The following PTPRT variants were observed in gnomAD, a reference collection of about 807,000 sequenced individuals.
The protein encoded by PTPRT is receptor-type tyrosine-protein phosphatase T.
In PTPRT, 56 loss-of-function variants were observed where a neutral mutation model predicts 176.8. That is an observed-to-expected ratio of 0.32 (90% CI 0.26 to 0.40). The LOEUF is 0.40. Among genes scored for constraint, PTPRT ranks in the 10% least tolerant of loss-of-function variants. PTPRT has a pLI of 1.00. For synonymous variants in PTPRT, 783 were observed against 739.0 expected, an observed-to-expected ratio of 1.06 and a Z score of -0.96; for missense variants, 1,540 against 1,908.2, an observed-to-expected ratio of 0.81 and a Z score of 3.60.
intron 9 of PTPRT, among the ~76,000 whole-genome samples, chr20:42,447,126 C>T (rs902033346): frequency 2.6e-5 from 4 of 152,074 alleles, no homozygotes; most frequent in African/African-American, 9.7e-5. Flanking sequence ...CTCACCTTTC[C>T]TTATGGCAGC....
chr20:42,930,137 T>C lies in PTPRT; in HGVS notation c.89-44205A>G, dbSNP rs140542326. On this transcript the variant is annotated intron_variant, in intron 1 of 30. Transcript: ENST00000373187. ...GGAGGGAAGAGGACAGGGAAAGGAC[T>C]TGGGGAGTGCTTACTGATGATGAGG... is the stretch of plus-strand genomic sequence containing the variant. Among the ~76,000 whole-genome samples, 29 of 152,336 alleles carry C rather than the reference T, an allele frequency of 1.9e-4. No individual in the cohort carries two copies. In the East Asian group the frequency reaches 3.9e-3, roughly 20 times the overall value.
chr20:42,085,951 T>TA, intron 27 of PTPRT, 98 bp from the exon 28 acceptor site: 2 of 1,359,448 alleles, frequency 1.5e-6, no homozygotes, highest in South Asian at 2.8e-5. Context: ...TTTTTCTTTT[T>TA]CTTTTTTTTT....
Position 42,580,635 on chromosome 20 carries a change from G to A in PTPRT, c.1153+97231C>T, listed in dbSNP as rs2073354085. ...GGTCCTTCACATCCTTTGTAAGTTG[G>A]ATTCCTAGGTATTTTATTCTCTTTG... On this transcript the variant is annotated intron_variant, in intron 7 of 30. Transcript: ENST00000373187. 2.6e-5 allele frequency among the ~76,000 whole-genome samples: 4 copies of A among 152,142 alleles called. No individual in the cohort carries two copies. The South Asian group carries it at 8.3e-4, about 32-fold the overall frequency.
chr20:43,140,443 AGTGTGTGTGTGTGTGTGTGTGTGTGT>A (rs6147356), intron 1 of PTPRT, among the ~76,000 whole-genome samples: 1,932 of 146,962 alleles, frequency 0.013, 20 homozygotes, highest in East Asian at 0.045. Flanking sequence ...ACCTCTGGGT[AGTGTGTGTGTGTGTGTGTGTGTGTGT>A]GTGTGTGTGT....
chr20:42,586,309 A>G (rs2073470560), intron 7 of PTPRT, among the ~76,000 whole-genome samples: 1 of 152,210 alleles, frequency 6.6e-6, no homozygotes, highest in South Asian at 2.1e-4. Flanking sequence ...GGAAATATCT[A>G]CAATACAAGG....
chr20:42,928,808 C>T (rs1035706287), intron 1 of PTPRT, among the ~76,000 whole-genome samples: 11 of 152,124 alleles, frequency 7.2e-5, no homozygotes, highest in Admixed American at 6.5e-5. Flanking sequence ...TCAGGGAAGA[C>T]GCTGCCACTC....
intron 7 of PTPRT, among the ~76,000 whole-genome samples, chr20:42,655,905 C>T (rs2075116974): frequency 6.6e-6 from 1 of 152,100 alleles, no homozygotes. Flanking sequence ...ATATTCATGT[C>T]TTGTTGAAGT....
At chr20:42,605,282 C>T (rs2073856074) in intron 7 of PTPRT, among the ~76,000 whole-genome samples, 1 of 152,134 alleles carries the variant, frequency 6.6e-6, no homozygotes, top group Non-Finnish European at 1.5e-5. Context: ...ACACAGCCTG[C>T]AGTAGGGGAG....
rs1375732741 is a variant in PTPRT at position 42,321,737 on chromosome 20, C to A, written c.1866-5741G>T. On this transcript the variant is annotated intron_variant, in intron 11 of 30. Transcript: ENST00000373187. ...TGAGATCTTGTCATCTAATTCATTG[C>A]TTCTAATACCATACTAGACACATAA... is the stretch of plus-strand genomic sequence containing the variant. 2.6e-5 allele frequency among the ~76,000 whole-genome samples: 4 copies of A among 152,152 alleles called. No homozygotes were observed. The South Asian group carries it at 6.2e-4, about 24-fold the overall frequency.
intron 1 of PTPRT, among the ~76,000 whole-genome samples, chr20:43,159,336 G>C (rs147889623): frequency 5.0e-4 from 76 of 152,328 alleles, no homozygotes; most frequent in African/African-American, 1.5e-3. Context: ...GCATACTGCA[G>C]TGGTAAGGCC....
At chr20:43,011,675 T>C (rs147316615) in intron 1 of PTPRT, among the ~76,000 whole-genome samples, 15 of 152,304 alleles carry the variant, frequency 9.8e-5, no homozygotes, top group Middle Eastern at 3.4e-3. Flanking sequence ...TTTCCACCCA[T>C]GGATGAACAG....
In PTPRT at chr20:42,645,762, T is replaced by TTGTG. The variant is rs1324109060; in HGVS notation, c.1153+32103_1153+32104insCACA. Among the ~76,000 whole-genome samples, 270 of 127,928 alleles carry TTGTG rather than the reference T, an allele frequency of 2.1e-3. 5 individuals are homozygous for TTGTG. The highest frequency in any genetic ancestry group is 7.6e-3 in the African/African-American group (241 of 31,782). 83.9% of individuals were successfully genotyped at this position (127,928 alleles called of 152,430 possible). A position where few individuals can be genotyped will look rare whatever the true frequency, so the allele number is the denominator to read the frequency against. ...TGTATGTTTCAGATGGGATGTGTAT[T>TTGTG]TATGTGTGTGTGTGTGTGTGTGTGT... On this transcript the variant is annotated intron_variant, in intron 7 of 30. Coordinates refer to ENST00000373187, the MANE Select transcript of PTPRT (RefSeq NM_007050.6).
At chr20:42,036,754 G>C in the PTPRT span, among the ~76,000 whole-genome samples, 1 of 152,164 alleles carries the variant, frequency 6.6e-6, no homozygotes, top group Non-Finnish European at 1.5e-5. Context: ...TCAGAGCCAG[G>C]CATAAGTATT....
At chr20:42,672,235 G>C (rs1333211701) in intron 7 of PTPRT, among the ~76,000 whole-genome samples, 2 of 152,182 alleles carry the variant, frequency 1.3e-5, no homozygotes, top group Non-Finnish European at 2.9e-5. Context: ...CTAATCAGCT[G>C]CCAGCATGGC....
At chr20:42,138,723 A>T (rs1196584366) in intron 18 of PTPRT, among the ~76,000 whole-genome samples, 1 of 152,004 alleles carries the variant, frequency 6.6e-6, no homozygotes, top group African/African-American at 2.4e-5. Flanking sequence ...TTACCCATTC[A>T]TTTCCTTCCC....
At chr20:42,113,620 A>T (rs776998964) in intron 22 of PTPRT, among the ~76,000 whole-genome samples, 100 of 152,296 alleles carry the variant, frequency 6.6e-4, no homozygotes, top group Non-Finnish European at 1.2e-3. Flanking sequence ...TTATCCTTGG[A>T]GGTTCCCTGT....
intron 19 of PTPRT, among the ~76,000 whole-genome samples, chr20:42,125,266 T>C (rs1007570224): frequency 6.6e-6 from 1 of 152,230 alleles, no homozygotes; most frequent in Non-Finnish European, 1.5e-5. Flanking sequence ...TGACAGATAC[T>C]TTACATCAGT....
At chr20:42,833,425 A>C (rs915296311) in intron 2 of PTPRT, among the ~76,000 whole-genome samples, 2 of 151,558 alleles carry the variant, frequency 1.3e-5, no homozygotes, top group Non-Finnish European at 2.9e-5. Context: ...ATAAATAAAT[A>C]AATAAAATAA....
intron 13 of PTPRT, among the ~76,000 whole-genome samples, chr20:42,275,706 G>A (rs968519239): frequency 1.3e-5 from 2 of 152,178 alleles, no homozygotes; most frequent in Non-Finnish European, 2.9e-5. Context: ...GCTATCTTAT[G>A]TGTACTTATG....
Sources: gnomAD v4.1 joint callset for allele counts (sites outside exome capture counted in the v4.1 genomes callset) on GRCh38, gnomAD v4.1.1 for gene constraint, MANE v1.5 for transcripts, NCBI Gene and HGNC (gene_info 2026-07-23, HGNC 2026-07-21) for gene names.